The following FAM78B variants were observed in gnomAD, a reference collection of about 807,000 sequenced individuals.
FAM78B encodes family with sequence similarity 78 member B.
FAM78B carries 10 observed loss-of-function variants against 20.0 expected under a neutral mutation model. That is an observed-to-expected ratio of 0.50 (90% CI 0.31 to 0.85). The LOEUF is 0.85. Ranked by LOEUF, FAM78B falls within the 40% of genes least tolerant of loss-of-function variation. FAM78B has a pLI of 0.05. For missense variants in FAM78B, 283 were observed against 345.0 expected (o/e 0.82, Z 1.42); for synonymous variants, 135 against 132.8 (o/e 1.02, Z -0.12).
At chr1:166,111,597 T>G (rs1406879402) in intron 1 of FAM78B, among the ~76,000 whole-genome samples, 1 of 152,194 alleles carries the variant, frequency 6.6e-6, no homozygotes, top group African/African-American at 2.4e-5. Flanking sequence ...CACTTCCTTT[T>G]GGTCACCTGA....
chr1:166,112,194 TCTTA>T (rs1251508060), intron 1 of FAM78B, among the ~76,000 whole-genome samples: 1 of 152,234 alleles, frequency 6.6e-6, no homozygotes. Flanking sequence ...GGATTAGCCT[TCTTA>T]CTTATTTACC....
intron 1 of FAM78B, chr1:166,147,877 C>T (rs1166400966): frequency 1.3e-5 from 2 of 152,168 alleles, no homozygotes; most frequent in African/African-American, 4.8e-5. Context: ...CTCATGTGAT[C>T]CTCCCACTTC....
chr1:166,146,938 T>C (rs572247347), intron 1 of FAM78B, among the ~76,000 whole-genome samples: 8 of 152,326 alleles, frequency 5.3e-5, no homozygotes, highest in Admixed American at 3.9e-4. Flanking sequence ...CGATCTCTCC[T>C]TGCAGGTCTG....
At chr1:166,125,171 T>C (rs1232321549) in intron 1 of FAM78B, among the ~76,000 whole-genome samples, 4 of 152,176 alleles carry the variant, frequency 2.6e-5, no homozygotes, top group African/African-American at 9.6e-5. Flanking sequence ...TTTCACCCAT[T>C]AACTAAATTG....
chr1:166,165,629 C>T (rs1656339976), intron 1 of FAM78B, among the ~76,000 whole-genome samples: 1 of 152,126 alleles, frequency 6.6e-6, no homozygotes. Flanking sequence ...AAACTCTTCC[C>T]GGGGAGCCCC....
At chr1:166,066,776 C>T (rs1259325281), downstream of FAM78B, among the ~76,000 whole-genome samples, 4 of 152,132 alleles carry the variant, frequency 2.6e-5, no homozygotes, top group Admixed American at 2.6e-4. Context: ...CATTCCAGCA[C>T]CAGGAAACAG....
At chr1:166,134,700 A>G (rs903035899) in intron 1 of FAM78B, among the ~76,000 whole-genome samples, 1 of 152,196 alleles carries the variant, frequency 6.6e-6, no homozygotes, top group Admixed American at 6.6e-5. Flanking sequence ...TTGTGGTGTC[A>G]CAAGGCTCAC....
intron 1 of FAM78B, among the ~76,000 whole-genome samples, chr1:166,090,487 G>A (rs1191497478): frequency 6.6e-6 from 1 of 152,210 alleles, no homozygotes; most frequent in Non-Finnish European, 1.5e-5. Flanking sequence ...AAGGACAATG[G>A]AATGAGAGCT....
In FAM78B at chr1:166,154,147, C is replaced by G. The variant is rs1046335859; in HGVS notation, c.263+11839G>C. On this transcript the variant is annotated intron_variant, in intron 1 of 1. Transcript: ENST00000354422. ...CTGTCAGGGGAGGGCCCCTGGCCCC[C>G]TCACAATCTGTCATCTTTGACGCTA... Among the ~76,000 whole-genome samples the G allele has an allele frequency of 2.0e-5, 3 of 152,314 alleles. No individual in the cohort carries two copies. The East Asian group carries it at 5.8e-4, about 29-fold the overall frequency.
intron 1 of FAM78B, among the ~76,000 whole-genome samples, chr1:166,100,874 G>C (rs1653485540): frequency 6.6e-6 from 1 of 152,234 alleles, no homozygotes; most frequent in African/African-American, 2.4e-5. Flanking sequence ...CTTGAGATCT[G>C]AGAATGGACA....
chr1:166,160,544 T>C (rs1299321535), intron 1 of FAM78B, among the ~76,000 whole-genome samples: 2 of 152,154 alleles, frequency 1.3e-5, no homozygotes, highest in Non-Finnish European at 2.9e-5. Context: ...ACAGGACAAA[T>C]AACGCAAAAG....
At chr1:166,118,062 C>G (rs565393195) in intron 1 of FAM78B, among the ~76,000 whole-genome samples, 57 of 152,274 alleles carry the variant, frequency 3.7e-4, no homozygotes, top group African/African-American at 1.4e-3. Flanking sequence ...AGAACCACAG[C>G]TCCACTCCTG....
At chr1:166,109,940 TAAAAG>T (rs549133902) in intron 1 of FAM78B, among the ~76,000 whole-genome samples, 128 of 124,608 alleles carry the variant, frequency 1.0e-3, no homozygotes, top group African/African-American at 3.5e-3. Context: ...TATGCAGACA[TAAAAG>T]GGAATGAATT....
chr1:166,056,988 G>C (rs1020724494), downstream of FAM78B, among the ~76,000 whole-genome samples: 1 of 152,206 alleles, frequency 6.6e-6, no homozygotes, highest in Non-Finnish European at 1.5e-5. Context: ...CCACGTGAGG[G>C]CACAGCTGGA....
chr1:166,154,803 G>A (rs770652933), intron 1 of FAM78B: 15 of 482,770 alleles, frequency 3.1e-5, no homozygotes, highest in Admixed American at 1.4e-4. Context: ...ACTAGTTGTG[G>A]CACTGCCCTT....
At chr1:166,088,730 T>C (rs1447716370) in intron 1 of FAM78B, among the ~76,000 whole-genome samples, 1 of 152,058 alleles carries the variant, frequency 6.6e-6, no homozygotes, top group African/African-American at 2.4e-5. Context: ...TGGAGGGATG[T>C]AGGACTGACC....
intron 1 of FAM78B, among the ~76,000 whole-genome samples, chr1:166,127,011 T>C (rs1336543987): frequency 6.6e-6 from 1 of 152,220 alleles, no homozygotes; most frequent in African/African-American, 2.4e-5. Flanking sequence ...AGATCTCACC[T>C]GATTCTGTTA....
intron 1 of FAM78B, among the ~76,000 whole-genome samples, chr1:166,136,759 A>T (rs1402492033): frequency 6.6e-6 from 1 of 152,206 alleles, no homozygotes; most frequent in South Asian, 2.1e-4. Context: ...ACTCTGATTT[A>T]GAGCAGTTGC....
At chr1:166,064,807 G>A (rs1651740800), downstream of FAM78B, among the ~76,000 whole-genome samples, 1 of 152,212 alleles carries the variant, frequency 6.6e-6, no homozygotes, top group Non-Finnish European at 1.5e-5. Flanking sequence ...TTCAGACACT[G>A]TCCTACTTTG....
Sources: allele counts gnomAD v4.1 joint callset (sites outside exome capture counted in the v4.1 genomes callset), GRCh38; gene constraint gnomAD v4.1.1; transcripts MANE v1.5; gene names NCBI Gene and HGNC (gene_info 2026-07-23, HGNC 2026-07-21).